DAAM1: variants seen among roughly 807,000 people sequenced by gnomAD.
DAAM1 encodes the protein disheveled-associated activator of morphogenesis 1.
DAAM1 carries 52 observed loss-of-function variants against 130.0 expected under a neutral mutation model. That is an observed-to-expected ratio of 0.40 (90% confidence interval 0.32 to 0.50). The LOEUF (loss-of-function observed/expected upper bound fraction) is 0.50, where lower values mean the gene tolerates loss of function less well. Ranked by LOEUF, DAAM1 falls within the 20% of genes least tolerant of loss-of-function variation. The pLI is 0.61. For synonymous variants in DAAM1, 452 were observed against 444.5 expected (o/e 1.02, Z -0.21); for missense variants, 1,134 against 1,303.8 (o/e 0.87, Z 2.01).
intron 8 of DAAM1, 114 bp downstream of exon 8, chr14:59,324,568 C>A: frequency 2.0e-6 from 1 of 505,912 alleles, no homozygotes; most frequent in Non-Finnish European, 3.2e-6. Context: ...ACATAAAGAG[C>A]TTGTATCAGA....
intron 3 of DAAM1, among the ~76,000 whole-genome samples, chr14:59,297,538 T>G (rs941663747): frequency 6.6e-5 from 10 of 152,186 alleles, no homozygotes; most frequent in African/African-American, 1.9e-4. Flanking sequence ...GAAATTTTAA[T>G]GACATGGGAA....
At chr14:59,205,099 C>T (rs985476288) in intron 1 of DAAM1, among the ~76,000 whole-genome samples, 41 of 152,116 alleles carry the variant, frequency 2.7e-4, no homozygotes, top group Non-Finnish European at 1.0e-4. Context: ...TATGAGAATC[C>T]TCCATGTTAT....
chr14:59,292,648 CATTA>C (rs1555360966), intron 3 of DAAM1, among the ~76,000 whole-genome samples: 1 of 152,202 alleles, frequency 6.6e-6, no homozygotes, highest in Non-Finnish European at 1.5e-5. Context: ...ATTTAAAGCA[CATTA>C]ATTTTCCAGC....
intron 2 of DAAM1, among the ~76,000 whole-genome samples, chr14:59,272,360 C>T (rs1882745929): frequency 6.6e-6 from 1 of 152,110 alleles, no homozygotes; most frequent in African/African-American, 2.4e-5. Context: ...GGGCAGATCA[C>T]TTGAGGCCAG....
intron 20 of DAAM1, among the ~76,000 whole-genome samples, chr14:59,357,109 T>C (rs1443916076): frequency 6.6e-6 from 1 of 152,240 alleles, no homozygotes; most frequent in Non-Finnish European, 1.5e-5. Context: ...TTCCTTCTTT[T>C]AAGAATTTGC....
At chr14:59,252,891 C>A (rs768943863) in intron 1 of DAAM1, among the ~76,000 whole-genome samples, 4 of 152,132 alleles carry the variant, frequency 2.6e-5, no homozygotes, top group African/African-American at 4.8e-5. Context: ...AGCAATCTTC[C>A]CCTTGGTGTG....
chr14:59,256,993 G>A (rs375597315), intron 1 of DAAM1, among the ~76,000 whole-genome samples: 100 of 152,302 alleles, frequency 6.6e-4, no homozygotes, highest in African/African-American at 2.3e-3. Flanking sequence ...ACTTACTTGG[G>A]AATGAGTTGA....
rs375672511 is a variant in DAAM1 at position 59,247,023 on chromosome 14, G to T, written c.-37-16418G>T. 3.9e-5 allele frequency among the ~76,000 whole-genome samples: 6 copies of T among 151,950 alleles called. No homozygotes were observed. In the East Asian group the frequency reaches 7.7e-4, roughly 20 times the overall value. ...TTCTTTCATAAGTTTTATAGTTTGG[G>T]GTCTTATGTTTAAGTCTTTAATCCA... On this transcript the variant is annotated intron_variant, in intron 1 of 24. Transcript: ENST00000360909.
intron 5 of DAAM1, 21 bp downstream of exon 5, chr14:59,320,605 A>G (rs1271151750): frequency 2.0e-6 from 3 of 1,494,930 alleles, no homozygotes; most frequent in Admixed American, 4.8e-5. Flanking sequence ...CCTGGATGGC[A>G]TGTTTTTTTT....
In DAAM1 at chr14:59,367,610, G is replaced by T; in HGVS notation, c.2997+11G>T. ...CGCATGGAAGCTCAGGTGAGAGGAT[G>T]ATTAATTGACCAATTCCACCTCCTA... On this transcript the variant is annotated intron_variant, in intron 24 of 24. Transcript: ENST00000360909. 1.2e-6 allele frequency: 2 copies of T among 1,609,412 alleles called. No individual in the cohort carries two copies. Among genetic ancestry groups the T allele is most frequent in the South Asian group, 2.2e-5 (2 of 90,584 alleles).
chr14:59,307,087 T>G (rs1884407037), intron 3 of DAAM1, among the ~76,000 whole-genome samples: 1 of 152,216 alleles, frequency 6.6e-6, no homozygotes, highest in South Asian at 2.1e-4. Flanking sequence ...CATCTTTTGT[T>G]TTGCTAAGCT....
At chr14:59,289,258 C>T (rs1467985349) in intron 2 of DAAM1, among the ~76,000 whole-genome samples, 1 of 152,106 alleles carries the variant, frequency 6.6e-6, no homozygotes, top group South Asian at 2.1e-4. Context: ...GGAACTCACT[C>T]GCTCATCACA....
chr14:59,244,384 A>G (rs779839450), intron 1 of DAAM1, among the ~76,000 whole-genome samples: 1 of 152,116 alleles, frequency 6.6e-6, no homozygotes, highest in African/African-American at 2.4e-5. Context: ...CACCCCCTCT[A>G]CAACATACAC....
intron 16 of DAAM1, among the ~76,000 whole-genome samples, chr14:59,342,432 A>C (rs1463800536): frequency 6.6e-6 from 1 of 152,186 alleles, no homozygotes; most frequent in African/African-American, 2.4e-5. Flanking sequence ...GGCAGATTTA[A>C]TTATAATTTG....
intron 2 of DAAM1, among the ~76,000 whole-genome samples, chr14:59,287,919 T>C (rs1305669311): frequency 1.3e-5 from 2 of 152,154 alleles, no homozygotes; most frequent in Admixed American, 6.5e-5. Flanking sequence ...TAGAAAAAAG[T>C]AACCTAAAAT....
Position 59,270,524 on chromosome 14 carries a change from C to G in DAAM1, c.183+6864C>G, listed in dbSNP as rs150049646. 3.7e-3 allele frequency among the ~76,000 whole-genome samples: 565 copies of G among 152,288 alleles called. 5 individuals are homozygous for G. Among genetic ancestry groups the G allele is most frequent in the African/African-American group, 0.012 (518 of 41,562 alleles). ...CCAAACACTTCCCATTAGGCCCCAC[C>G]TCCAATATTGGGGATCAGATTTCAA... On this transcript the variant is annotated intron_variant, in intron 2 of 24. Transcript: ENST00000360909.
chr14:59,239,001 G>T (rs1320027362), intron 1 of DAAM1, among the ~76,000 whole-genome samples: 1 of 152,168 alleles, frequency 6.6e-6, no homozygotes, highest in East Asian at 1.9e-4. Flanking sequence ...CTGCTCTGCT[G>T]CTTAGGAGTG....
At chr14:59,198,987 A>T (rs1888007831) in intron 1 of DAAM1, among the ~76,000 whole-genome samples, 1 of 152,208 alleles carries the variant, frequency 6.6e-6, no homozygotes, top group African/African-American at 2.4e-5. Flanking sequence ...GACCTCACTT[A>T]TGTGGCACTG....
intron 1 of DAAM1, among the ~76,000 whole-genome samples, chr14:59,211,826 A>G (rs1888433968): frequency 6.6e-6 from 1 of 152,248 alleles, no homozygotes; most frequent in African/African-American, 2.4e-5. Flanking sequence ...CAGAATAATG[A>G]TTTTAAACAG....
Sources: allele counts gnomAD v4.1 joint callset (sites outside exome capture counted in the v4.1 genomes callset), GRCh38; gene constraint gnomAD v4.1.1; transcripts MANE v1.5; gene names NCBI Gene and HGNC (gene_info 2026-07-23, HGNC 2026-07-21).